The following CALCR variants were observed in gnomAD, a reference collection of about 807,000 sequenced individuals.
CALCR encodes calcitonin receptor.
In CALCR, 47 loss-of-function variants were observed where a neutral mutation model predicts 59.5. The ratio of observed to expected loss-of-function variants is 0.79; its 90% CI spans 0.63 to 1.01. The LOEUF is 1.01. CALCR is among the 50% of genes least tolerant of loss of function. CALCR has a pLI of 0.00. For synonymous variants in CALCR, 213 were observed against 211.3 expected (o/e 1.01, Z -0.07); for missense variants, 566 against 597.1 (o/e 0.95, Z 0.54).
chr7:93,570,691 G>C (rs890550850), intron 2 of CALCR, among the ~76,000 whole-genome samples: 12 of 152,154 alleles, frequency 7.9e-5, no homozygotes, highest in African/African-American at 2.7e-4. Flanking sequence ...TACCCTGGAG[G>C]TACCAGGCAG....
chr7:93,551,247 C>T (rs773440672), intron 2 of CALCR, among the ~76,000 whole-genome samples: 17 of 152,216 alleles, frequency 1.1e-4, no homozygotes, highest in South Asian at 2.1e-4. Flanking sequence ...GTTAACACTG[C>T]GCCACCTTAT....
chr7:93,562,583 C>T (rs961674839), intron 2 of CALCR, among the ~76,000 whole-genome samples: 4 of 152,114 alleles, frequency 2.6e-5, no homozygotes, highest in South Asian at 2.1e-4. Flanking sequence ...CAAGGAATCA[C>T]CCATGGTGCA....
intron 4 of CALCR, 39 bp from the exon 5 acceptor site, chr7:93,477,707 G>T: frequency 7.9e-7 from 1 of 1,273,414 alleles, no homozygotes; most frequent in South Asian, 1.2e-5. Flanking sequence ...AAGCCTTGTG[G>T]ATTTAACTAA....
chr7:93,482,611 A>G, intron 3 of CALCR: 1 of 288,270 alleles, frequency 3.5e-6, no homozygotes, highest in Non-Finnish European at 6.8e-6. Context: ...AACCATAGGC[A>G]AATAGTATGT....
At chr7:93,480,475 G>A (rs181984237) in intron 3 of CALCR, among the ~76,000 whole-genome samples, 97 of 151,594 alleles carry the variant, frequency 6.4e-4, no homozygotes, top group Non-Finnish European at 1.3e-4. Flanking sequence ...TATCATACCC[G>A]TTGAAATTTC....
intron 2 of CALCR, among the ~76,000 whole-genome samples, chr7:93,487,863 A>G (rs1800983663): frequency 6.6e-6 from 1 of 151,580 alleles, no homozygotes; most frequent in Admixed American, 6.6e-5. Flanking sequence ...AACTTCCCCA[A>G]CATAGCAAGA....
At chr7:93,497,482 G>A (rs1417972693) in intron 2 of CALCR, among the ~76,000 whole-genome samples, 6 of 151,542 alleles carry the variant, frequency 4.0e-5, no homozygotes, top group African/African-American at 1.2e-4. Context: ...GTTTGTGGAT[G>A]AGCAACTCAA....
chr7:93,438,069 C>A lies in CALCR; in HGVS notation c.921G>T (p.Ala307=). ...LLYIIHGPVM[A]ALVVNFFFLL... ...AAAAACTAATTCTCACCACAAGTGC[C>A]GCCATGACAGGTCCATGGATTATGT... Residue 307 remains alanine, a synonymous_variant, in exon 11 of 14, where the codon GCG becomes GCT. Transcript: ENST00000426151. 6.2e-7 allele frequency: 1 copy of A among 1,613,210 alleles called. No homozygotes were observed. Among genetic ancestry groups the A allele is most frequent in the South Asian group, 1.1e-5 (1 of 91,048 alleles).
intron 2 of CALCR, among the ~76,000 whole-genome samples, chr7:93,568,517 CT>C (rs1789921025): frequency 2.1e-5 from 1 of 47,146 alleles, no homozygotes; most frequent in Non-Finnish European, 5.7e-5. Flanking sequence ...CTTTCTCTCT[CT>C]CTCTCTCTCT....
chr7:93,458,923 C>T (rs147443917), intron 8 of CALCR, among the ~76,000 whole-genome samples: 40 of 152,222 alleles, frequency 2.6e-4, no homozygotes, highest in African/African-American at 9.6e-4. Context: ...TATCATTAAA[C>T]TATTTTGAAT....
chr7:93,553,728 G>A (rs1789524729), intron 2 of CALCR, among the ~76,000 whole-genome samples: 1 of 152,126 alleles, frequency 6.6e-6, no homozygotes, highest in African/African-American at 2.4e-5. Flanking sequence ...GCTTTGAAAA[G>A]CACTTGGTTC....
intron 13 of CALCR, among the ~76,000 whole-genome samples, chr7:93,430,668 C>T (rs1379962867): frequency 2.0e-5 from 3 of 152,138 alleles, no homozygotes; most frequent in African/African-American, 7.2e-5. Context: ...GTGATTGTGT[C>T]TAGAATAGTG....
At chr7:93,469,764 G>A (rs10226560) in intron 6 of CALCR, among the ~76,000 whole-genome samples, 9,408 of 151,650 alleles carry the variant, frequency 0.062, 934 homozygotes, top group African/African-American at 0.21. Context: ...TAATCTCTTG[G>A]CTTTTGGTCT....
intron 6 of CALCR, among the ~76,000 whole-genome samples, chr7:93,469,089 T>C (rs1800499185): frequency 6.6e-6 from 1 of 151,790 alleles, no homozygotes; most frequent in African/African-American, 2.4e-5. Flanking sequence ...AAAATTATCA[T>C]CCCTAAGCCC....
chr7:93,504,910 A>G (rs1011389319), intron 2 of CALCR, among the ~76,000 whole-genome samples: 1 of 152,166 alleles, frequency 6.6e-6, no homozygotes, highest in Non-Finnish European at 1.5e-5. Flanking sequence ...GGGTGCAGCA[A>G]TATTTCCATG....
chr7:93,462,334 G>C (rs181691323), intron 7 of CALCR, among the ~76,000 whole-genome samples: 2 of 152,026 alleles, frequency 1.3e-5, no homozygotes, highest in Admixed American at 6.6e-5. Flanking sequence ...TTACACACAC[G>C]CTTCTGTGGA....
intron 2 of CALCR, among the ~76,000 whole-genome samples, chr7:93,528,029 T>C (rs1245671598): frequency 1.3e-5 from 2 of 152,226 alleles, no homozygotes; most frequent in Non-Finnish European, 1.5e-5. Context: ...TATCATTATC[T>C]ACAGCTCTGA....
intron 12 of CALCR, among the ~76,000 whole-genome samples, chr7:93,434,698 G>A (rs1490611423): frequency 6.6e-6 from 1 of 152,104 alleles, no homozygotes; most frequent in East Asian, 1.9e-4. Context: ...CTGTGGGTCT[G>A]TGTCCTATGT....
At chr7:93,569,453 T>C (rs35157314) in intron 2 of CALCR, among the ~76,000 whole-genome samples, 21,028 of 152,198 alleles carry the variant, frequency 0.14, 1,582 homozygotes, top group African/African-American at 0.16. Flanking sequence ...CTTCATTTCT[T>C]CCCCTCTTTA....
Sources: allele counts gnomAD v4.1 joint callset (sites outside exome capture counted in the v4.1 genomes callset), GRCh38; gene constraint gnomAD v4.1.1; transcripts MANE v1.5; gene names NCBI Gene and HGNC (gene_info 2026-07-23, HGNC 2026-07-21).